TRAPPC6B: variants seen among roughly 807,000 people sequenced by gnomAD.
TRAPPC6B encodes the protein trafficking protein particle complex subunit 6B.
A neutral mutation model predicts 24.7 loss-of-function variants in TRAPPC6B; 27 were observed. The observed-to-expected ratio is 1.09, with a 90% CI of 0.81 to 1.51. The LOEUF (loss-of-function observed/expected upper bound fraction) is 1.51, where lower values mean the gene tolerates loss of function less well. Among genes scored for constraint, TRAPPC6B ranks in the 40% most tolerant of loss-of-function variants. The pLI is 0.00. For synonymous variants in TRAPPC6B, 80 were observed against 66.6 expected, an observed-to-expected ratio of 1.20 and a Z score of -0.98; for missense variants, 212 against 190.8, an observed-to-expected ratio of 1.11 and a Z score of -0.66.
Position 39,148,697 on chromosome 14 carries a change from C to A in TRAPPC6B, c.*1653G>T. On this transcript the variant is annotated 3_prime_UTR_variant, in exon 6 of 6. Coordinates refer to ENST00000330149, the MANE Select transcript of TRAPPC6B (RefSeq NM_001079537.2). ...ACATGTATATTTGGTAGGAACTTTC[C>A]TAAATTTTTTCAAAATTAAAATTTT... 2.5e-6 allele frequency: 1 copy of A among 398,314 alleles called. No homozygotes were observed. 24.7% of individuals were successfully genotyped at this position (398,314 alleles called of 1,614,324 possible). A position where few individuals can be genotyped will look rare whatever the true frequency, so the allele number is the denominator to read the frequency against.
At chr14:39,159,425 T>C in intron 2 of TRAPPC6B, 58 bp downstream of exon 2, 1 of 1,160,800 alleles carries the variant, frequency 8.6e-7, no homozygotes, top group Non-Finnish European at 1.2e-6. Flanking sequence ...TCTTTTGAAA[T>C]AGATCACCTT....
At chr14:39,167,145 A>G (rs1160369696) in intron 1 of TRAPPC6B, among the ~76,000 whole-genome samples, 2 of 152,226 alleles carry the variant, frequency 1.3e-5, no homozygotes, top group African/African-American at 4.8e-5. Context: ...TGCACTTTTG[A>G]GTAGGCACCA....
intron 1 of TRAPPC6B, among the ~76,000 whole-genome samples, chr14:39,163,306 G>C (rs1157379470): frequency 1.4e-5 from 2 of 147,688 alleles, no homozygotes; most frequent in Non-Finnish European, 3.0e-5. Flanking sequence ...AGGAGGCAGA[G>C]ATTGCAGCGA....
At chr14:39,151,568 T>A (rs1017009325) in intron 5 of TRAPPC6B, among the ~76,000 whole-genome samples, 178 bp downstream of exon 5, 3 of 152,028 alleles carry the variant, frequency 2.0e-5, no homozygotes, top group Non-Finnish European at 4.4e-5. Context: ...TAGTCCATTA[T>A]TCAAAAATTA....
Position 39,147,977 on chromosome 14 carries a change from C to A in TRAPPC6B, c.*2373G>T, listed in dbSNP as rs760363079. 7 of 152,152 alleles carry A rather than the reference C, an allele frequency of 4.6e-5. No individual in the cohort carries two copies. The highest frequency in any genetic ancestry group is 8.8e-5 in the Non-Finnish European group (6 of 68,036). The allele number at this position is 152,152 out of a possible 1,614,324, so 9.4% of individuals were successfully genotyped here. On this transcript the variant is annotated 3_prime_UTR_variant, in exon 6 of 6. Transcript: ENST00000330149. ...GAGGTTTCTTTTTGGCTACAAGTAACAATATACATATACCCAAAGCAAATG... is the reference window on the plus strand; with the variant it reads ...GAGGTTTCTTTTTGGCTACAAGTAAAAATATACATATACCCAAAGCAAATG...
intron 1 of TRAPPC6B, among the ~76,000 whole-genome samples, chr14:39,168,164 T>A (rs774379644): frequency 2.7e-5 from 4 of 146,426 alleles, no homozygotes; most frequent in Non-Finnish European, 4.5e-5. Flanking sequence ...TGCAGTGAGC[T>A]GAGATCACAC....
Position 39,155,537 on chromosome 14 carries a change from G to A in TRAPPC6B, c.268-1243C>T, listed in dbSNP as rs188377884. ...ATTATAGGCGTGAGCCACCGCACCCGGATTTATTTGTTTATTTGAGACAGA... is the reference window on the plus strand; with the variant it reads ...ATTATAGGCGTGAGCCACCGCACCCAGATTTATTTGTTTATTTGAGACAGA... On this transcript the variant is annotated intron_variant, in intron 3 of 5. Transcript: ENST00000330149. 1.5e-3 allele frequency among the ~76,000 whole-genome samples: 215 copies of A among 146,226 alleles called. 5 individuals carry two copies. The South Asian group carries it at 0.039, about 26-fold the overall frequency.
At chr14:39,157,222 G>A in intron 3 of TRAPPC6B, 1 of 344,848 alleles carries the variant, frequency 2.9e-6, no homozygotes, top group South Asian at 2.7e-5. Context: ...CACTCACTTT[G>A]TGAAATGGCC....
chr14:39,168,919 T>C (rs1258819386), intron 1 of TRAPPC6B, among the ~76,000 whole-genome samples: 3 of 152,220 alleles, frequency 2.0e-5, no homozygotes, highest in Non-Finnish European at 4.4e-5. Context: ...ATTCCCTTCC[T>C]TAAAAATATT....
At chr14:39,153,255 A>G (rs779167617) in intron 4 of TRAPPC6B, among the ~76,000 whole-genome samples, 19 of 138,024 alleles carry the variant, frequency 1.4e-4, no homozygotes, top group Non-Finnish European at 2.6e-4. Flanking sequence ...ACTCTGTCCG[A>G]AAAAAAAAAA....
At chr14:39,158,179 C>G (rs1288703839) in intron 3 of TRAPPC6B, 106 bp downstream of exon 3, 5 of 662,014 alleles carry the variant, frequency 7.6e-6, no homozygotes, top group Non-Finnish European at 1.3e-5. Flanking sequence ...TAAACATATT[C>G]CAAAGTTAAC....
rs2052896016 is a variant in TRAPPC6B at position 39,150,161 on chromosome 14, T to C, written c.*189A>G. ...TTTGAAATCCGGTTTTCATTTTGAA[T>C]AGTTTTGGTTAAGTGTATGTCATGG... On this transcript the variant is annotated 3_prime_UTR_variant, in exon 6 of 6. Transcript: ENST00000330149. 1.6e-5 allele frequency: 8 copies of C among 496,264 alleles called. No homozygotes were observed. Among genetic ancestry groups the C allele is most frequent in the Non-Finnish European group, 2.8e-5 (8 of 288,836 alleles). 30.7% of individuals were successfully genotyped at this position (496,264 alleles called of 1,614,324 possible).
chr14:39,151,898 G>A, intron 4 of TRAPPC6B, 59 bp from the exon 5 acceptor site: 1 of 1,157,192 alleles, frequency 8.6e-7, no homozygotes. Flanking sequence ...TAAAGCTATT[G>A]ATAAATACAA....
chr14:39,161,295 C>A (rs1320651360), intron 1 of TRAPPC6B, among the ~76,000 whole-genome samples: 1 of 152,120 alleles, frequency 6.6e-6, no homozygotes, highest in Non-Finnish European at 1.5e-5. Flanking sequence ...GCAAAAGGAA[C>A]CTATACACAT....
At chr14:39,165,792 GTC>G (rs138067193) in intron 1 of TRAPPC6B, among the ~76,000 whole-genome samples, 26 of 149,978 alleles carry the variant, frequency 1.7e-4, no homozygotes, top group African/African-American at 2.9e-4. Context: ...GCAAGACATT[GTC>G]TCTCTCTCTC....
At chr14:39,160,570 G>A (rs536559273) in intron 1 of TRAPPC6B, among the ~76,000 whole-genome samples, 7 of 135,628 alleles carry the variant, frequency 5.2e-5, no homozygotes, top group African/African-American at 1.9e-4. Context: ...GGGACCCCAT[G>A]AAAGAAAGAA....
intron 1 of TRAPPC6B, among the ~76,000 whole-genome samples, chr14:39,169,604 T>G (rs779963138): frequency 4.6e-5 from 7 of 152,152 alleles, no homozygotes; most frequent in Non-Finnish European, 7.3e-5. Flanking sequence ...TACTGAGCAT[T>G]AGGAATGAGG....
At chr14:39,167,470 C>T (rs967962089) in intron 1 of TRAPPC6B, among the ~76,000 whole-genome samples, 1 of 152,116 alleles carries the variant, frequency 6.6e-6, no homozygotes, top group Non-Finnish European at 1.5e-5. Context: ...TCTTTTCAGA[C>T]ATAAACAACA....
chr14:39,168,228 A>AG (rs1340452306), intron 1 of TRAPPC6B, among the ~76,000 whole-genome samples: 3 of 151,738 alleles, frequency 2.0e-5, no homozygotes, highest in African/African-American at 7.2e-5. Context: ...AAAAAAAAAA[A>AG]AAGAGAGAGA....
Sources: gnomAD v4.1 joint callset for allele counts (sites outside exome capture counted in the v4.1 genomes callset) on GRCh38, gnomAD v4.1.1 for gene constraint, MANE v1.5 for transcripts, NCBI Gene and HGNC (gene_info 2026-07-23, HGNC 2026-07-21) for gene names.